SNCAIP: variants seen among roughly 807,000 people sequenced by gnomAD.
SNCAIP encodes synphilin-1.
Under a neutral mutation model 86.7 loss-of-function variants are expected in SNCAIP, and 43 were observed. The ratio of observed to expected loss-of-function variants is 0.50; its 90% CI spans 0.39 to 0.64. The LOEUF is 0.64. SNCAIP is among the 30% of genes least tolerant of loss of function. The pLI is 0.00. For missense variants in SNCAIP, 981 were observed against 1,103.1 expected (o/e 0.89, Z 1.57); for synonymous variants, 417 against 427.2 (o/e 0.98, Z 0.29).
intron 3 of SNCAIP, among the ~76,000 whole-genome samples, chr5:122,418,233 C>T (rs1775688923): frequency 6.6e-6 from 1 of 152,150 alleles, no homozygotes; most frequent in African/African-American, 2.4e-5. Flanking sequence ...AAAACAAATA[C>T]AAGAGCTGCT....
chr5:122,428,302 C>T (rs1016807928), intron 5 of SNCAIP, among the ~76,000 whole-genome samples: 5 of 152,144 alleles, frequency 3.3e-5, no homozygotes, highest in Non-Finnish European at 7.4e-5. Context: ...AGGCAAAAAT[C>T]TCCTGCTAGA....
chr5:122,358,518 G>A (rs1212478201), intron 1 of SNCAIP, among the ~76,000 whole-genome samples: 5 of 151,734 alleles, frequency 3.3e-5, no homozygotes, highest in Non-Finnish European at 7.4e-5. Context: ...TCTGACTTCC[G>A]GGAGAAAGGC....
intron 3 of SNCAIP, among the ~76,000 whole-genome samples, chr5:122,409,414 G>A (rs1294641061): frequency 6.6e-6 from 1 of 152,154 alleles, no homozygotes; most frequent in Non-Finnish European, 1.5e-5. Flanking sequence ...TCTTATGAAA[G>A]AAGGCAGATA....
intron 1 of SNCAIP, among the ~76,000 whole-genome samples, chr5:122,367,555 T>C (rs952521899): frequency 2.6e-5 from 4 of 151,866 alleles, no homozygotes; most frequent in Non-Finnish European, 5.9e-5. Flanking sequence ...CTTTAGAGGA[T>C]AGAGTAGAGA....
At chr5:122,453,963 T>C (rs770650336) in intron 10 of SNCAIP, among the ~76,000 whole-genome samples, 1 of 152,292 alleles carries the variant, frequency 6.6e-6, no homozygotes, top group Non-Finnish European at 1.5e-5. Flanking sequence ...TTTGCCACGT[T>C]GCTCAGGCTG....
intron 8 of SNCAIP, among the ~76,000 whole-genome samples, chr5:122,446,166 T>C (rs1782271741): frequency 1.3e-5 from 2 of 152,106 alleles, no homozygotes; most frequent in Admixed American, 1.3e-4. Context: ...TGCAAATGCC[T>C]TTATGAACAT....
chr5:122,334,565 C>T (rs576617650), intron 1 of SNCAIP, among the ~76,000 whole-genome samples: 1 of 152,118 alleles, frequency 6.6e-6, no homozygotes, highest in Non-Finnish European at 1.5e-5. Context: ...ACATGCCGTG[C>T]GACTAGCACA....
rs191391521 is a variant in SNCAIP, at chr5:122,447,361, A to G, written c.1593-2484A>G. Among the ~76,000 whole-genome samples the G allele has an allele frequency of 2.7e-3, 417 of 152,312 alleles. 5 individuals are homozygous for G. The highest frequency in any genetic ancestry group is 2.0e-3 in the Non-Finnish European group (138 of 68,028). On this transcript the variant is annotated intron_variant, in intron 8 of 10. Coordinates refer to ENST00000261368, the MANE Select transcript of SNCAIP (RefSeq NM_005460.4). ...GCCCTGTCAAACTAATACAGTGGCC[A>G]TCTGCCCATATATTTTCTTTTCTAC...
At chr5:122,388,264 A>ATTTTTTTTTT (rs1021141923) in intron 1 of SNCAIP, among the ~76,000 whole-genome samples, 1 of 147,928 alleles carries the variant, frequency 6.8e-6, no homozygotes, top group Non-Finnish European at 1.5e-5. Context: ...AACTGATTCA[A>ATTTTTTTTTT]TTTTTTTTTT....
chr5:122,404,006 C>T, intron 3 of SNCAIP, 141 bp downstream of exon 3: 3 of 701,920 alleles, frequency 4.3e-6, no homozygotes, highest in East Asian at 2.7e-5. Context: ...CACCCCCCAC[C>T]TCATGCCCTG....
At chr5:122,364,111 C>A (rs909077651) in intron 1 of SNCAIP, among the ~76,000 whole-genome samples, 1 of 152,096 alleles carries the variant, frequency 6.6e-6, no homozygotes, top group Admixed American at 6.5e-5. Flanking sequence ...TTGTCAGAGG[C>A]GTTTGAACCA....
intron 3 of SNCAIP, among the ~76,000 whole-genome samples, chr5:122,407,495 A>G (rs915310438): frequency 2.6e-5 from 4 of 152,138 alleles, no homozygotes; most frequent in Non-Finnish European, 5.9e-5. Context: ...CAGGATTCCA[A>G]TTTTTCTAAA....
rs188205629 is a variant in SNCAIP, at chr5:122,355,293, T to C, written c.-46-35796T>C. 1.4e-3 allele frequency among the ~76,000 whole-genome samples: 219 copies of C among 152,352 alleles called. 1 individual carries two copies. The Middle Eastern group carries it at 0.024, about 17-fold the overall frequency. ...GTTTTAATGTCCTTCATATATAGGATGACTTCCCCAAAATATCTCATGAGA... is the reference window on the plus strand; with the variant it reads ...GTTTTAATGTCCTTCATATATAGGACGACTTCCCCAAAATATCTCATGAGA... On this transcript the variant is annotated intron_variant, in intron 1 of 10. Transcript: ENST00000261368.
chr5:122,412,163 A>G (rs1352845667), intron 3 of SNCAIP, among the ~76,000 whole-genome samples: 3 of 152,090 alleles, frequency 2.0e-5, no homozygotes, highest in Non-Finnish European at 4.4e-5. Context: ...TCACCTCCTT[A>G]GGTGATCACC....
rs1776680278 is a variant in SNCAIP at position 122,422,923 on chromosome 5, G to A, written c.186G>A (p.Lys62=). The A allele has an allele frequency of 6.2e-7, 1 of 1,614,130 alleles. No homozygotes were observed. The highest frequency in any genetic ancestry group is 8.5e-7 in the Non-Finnish European group (1 of 1,179,968). ...GISTLITNTQ[K]PTGIADVYSK... Reference sequence around the variant, plus strand: ...CAACTCTTATTACAAACACGCAAAAGCCCACAGGAATCGCTGATGTGTACA... The same window carrying A: ...CAACTCTTATTACAAACACGCAAAAACCCACAGGAATCGCTGATGTGTACA... Residue 62 remains lysine, a synonymous_variant, in exon 4 of 11, where the codon AAG becomes AAA. Transcript: ENST00000261368.
intron 2 of SNCAIP, among the ~76,000 whole-genome samples, chr5:122,396,875 C>T (rs969532647): frequency 1.3e-5 from 2 of 152,086 alleles, no homozygotes; most frequent in African/African-American, 4.8e-5. Context: ...CTATAACATA[C>T]TTTTTTCTTG....
chr5:122,443,704 C>G (rs764585652), intron 7 of SNCAIP: 2 of 454,840 alleles, frequency 4.4e-6, no homozygotes, highest in Non-Finnish European at 8.8e-6. Flanking sequence ...AGAAAAAGTC[C>G]GGTATCTCTT....
intron 1 of SNCAIP, among the ~76,000 whole-genome samples, chr5:122,354,586 A>C (rs1351816753): frequency 6.6e-6 from 1 of 152,192 alleles, no homozygotes; most frequent in Non-Finnish European, 1.5e-5. Flanking sequence ...AATTTAAAGG[A>C]AAGTTGCCCT....
intron 7 of SNCAIP, 151 bp from the exon 8 acceptor site, chr5:122,444,412 C>T (rs1378565203): frequency 3.7e-5 from 28 of 747,872 alleles, no homozygotes; most frequent in Non-Finnish European, 6.5e-5. Flanking sequence ...GGCTCTGCTA[C>T]ATCATCATAG....
Sources: allele counts gnomAD v4.1 joint callset (sites outside exome capture counted in the v4.1 genomes callset), GRCh38; gene constraint gnomAD v4.1.1; transcripts MANE v1.5; gene names NCBI Gene and HGNC (gene_info 2026-07-23, HGNC 2026-07-21).